CNGB3: variants seen among roughly 807,000 people sequenced by gnomAD.
CNGB3 encodes the protein cyclic nucleotide-gated channel beta-3.
A neutral mutation model predicts 92.8 loss-of-function variants in CNGB3; 86 were observed. The observed-to-expected ratio is 0.93, with a 90% confidence interval of 0.78 to 1.11. The LOEUF (loss-of-function observed/expected upper bound fraction) is 1.11, where lower values mean the gene tolerates loss of function less well. Among genes scored for constraint, CNGB3 ranks in the 50% least tolerant of loss-of-function variants. CNGB3 has a pLI of 0.00. For missense variants in CNGB3, 1,026 were observed against 956.8 expected (o/e 1.07, Z -0.95); for synonymous variants, 333 against 332.7 (o/e 1.00, Z -0.01).
rs1823757257 is a variant in CNGB3 at position 86,667,116 on chromosome 8, A to C, written c.661T>G (p.Trp221Gly). ...TAGGCAAGAGTGACAAGCAAGAGCCACAGGAGATAGAGTCGATCTGGAAAA... is the reference window on the plus strand; with the variant it reads ...TAGGCAAGAGTGACAAGCAAGAGCCCCAGGAGATAGAGTCGATCTGGAAAA... The part of the protein sequence containing the change: ...DSYTDRLYLL[W>G]LLLVTLAYNW... The change falls in exon 6 of 18, where the codon TGG becomes GGG. Residue 221 changes from tryptophan to glycine, a missense_variant. Coordinates refer to ENST00000320005, the MANE Select transcript of CNGB3 (RefSeq NM_019098.5). The C allele has an allele frequency of 4.3e-6, 7 of 1,614,100 alleles. No homozygotes were observed. In the East Asian group the frequency reaches 1.3e-4, roughly 31 times the overall value.
chr8:86,658,456 C>T (rs62528589), intron 6 of CNGB3: 6,868 of 407,050 alleles, frequency 0.017, 89 homozygotes, highest in Non-Finnish European at 0.023. Context: ...TCCTGCAACC[C>T]TTGGCAGGCC....
chr8:86,693,203 C>A (rs751234584), intron 3 of CNGB3, among the ~76,000 whole-genome samples: 10 of 152,026 alleles, frequency 6.6e-5, no homozygotes, highest in Non-Finnish European at 1.0e-4. Context: ...TGACTGTGTG[C>A]CCAAGTGTTG....
intron 6 of CNGB3, chr8:86,659,246 T>C: frequency 1.3e-6 from 1 of 762,008 alleles, no homozygotes; most frequent in South Asian, 1.4e-5. Context: ...TTTCAGTATA[T>C]TGGTCTTTCT....
intron 10 of CNGB3, 115 bp downstream of exon 10, chr8:86,643,636 A>C (rs927781269): frequency 1.8e-6 from 2 of 1,117,030 alleles, no homozygotes; most frequent in Non-Finnish European, 2.6e-6. Flanking sequence ...AATAGCATTT[A>C]CCAGCCATTG....
At chr8:86,741,334 A>T (rs1332993644) in intron 1 of CNGB3, among the ~76,000 whole-genome samples, 5 of 152,204 alleles carry the variant, frequency 3.3e-5, no homozygotes. Context: ...GTTCTTGGAA[A>T]GAACAGATGC....
intron 15 of CNGB3, among the ~76,000 whole-genome samples, chr8:86,589,835 T>A (rs1821986723): frequency 6.6e-6 from 1 of 152,002 alleles, no homozygotes; most frequent in South Asian, 2.1e-4. Flanking sequence ...GGTGGAGAGT[T>A]CTGTAGATGT....
intron 15 of CNGB3, 111 bp from the exon 16 acceptor site, chr8:86,579,363 C>T (rs2131532918): frequency 7.9e-7 from 1 of 1,272,492 alleles, no homozygotes; most frequent in Admixed American, 1.7e-5. Flanking sequence ...AGAAATCATT[C>T]CCTAGAGGTG....
At chr8:86,704,932 G>A (rs76490654) in intron 3 of CNGB3, among the ~76,000 whole-genome samples, 2,954 of 152,064 alleles carry the variant, frequency 0.019, 42 homozygotes, top group South Asian at 0.028. Flanking sequence ...AATGCTAGTA[G>A]GTCTCTTTCG....
chr8:86,704,182 G>T (rs1258766498), intron 3 of CNGB3: 1 of 152,192 alleles, frequency 6.6e-6, no homozygotes, highest in Admixed American at 6.5e-5. Flanking sequence ...CCAGAGAAGA[G>T]AAAATGTTAT....
chr8:86,657,506 T>C, intron 6 of CNGB3: 1 of 510,570 alleles, frequency 2.0e-6, no homozygotes. Context: ...CATAATCTGC[T>C]GTGCAGTGGG....
Position 86,629,084 on chromosome 8 carries a change from A to G in CNGB3, c.1321-6T>C, listed in dbSNP as rs751146094. The G allele has an allele frequency of 6.2e-7, 1 of 1,613,958 alleles. No individual in the cohort carries two copies. The highest frequency in any genetic ancestry group is 8.5e-7 in the Non-Finnish European group (1 of 1,179,900). On this transcript the variant is annotated splice_polypyrimidine_tract_variant and splice_region_variant and intron_variant, in intron 11 of 17. Coordinates refer to ENST00000320005, the MANE Select transcript of CNGB3 (RefSeq NM_019098.5). Reference sequence around the variant, plus strand: ...GCTCCAATCACATCTCTCATCTAAAACCACAAATATGGTCACTCCACGCCC... The same window carrying G: ...GCTCCAATCACATCTCTCATCTAAAGCCACAAATATGGTCACTCCACGCCC...
At chr8:86,739,859 G>A in intron 1 of CNGB3, 123 bp from the exon 2 acceptor site, 1 of 1,153,002 alleles carries the variant, frequency 8.7e-7, no homozygotes, top group East Asian at 2.5e-5. Flanking sequence ...TGTTTATGAT[G>A]TACTAAAAAT....
intron 3 of CNGB3, among the ~76,000 whole-genome samples, chr8:86,697,585 G>C (rs1043468765): frequency 3.9e-5 from 6 of 152,040 alleles, no homozygotes; most frequent in Admixed American, 3.9e-4. Flanking sequence ...ATATTAATTG[G>C]ACTTTAAAAA....
chr8:86,576,937 CA>C (rs1821672633), intron 17 of CNGB3, among the ~76,000 whole-genome samples: 1 of 152,148 alleles, frequency 6.6e-6, no homozygotes, highest in Admixed American at 6.5e-5. Context: ...TGCAAGTTTT[CA>C]TCTTTTGTAT....
intron 2 of CNGB3, among the ~76,000 whole-genome samples, chr8:86,734,564 T>C (rs554404844): frequency 1.3e-5 from 2 of 152,332 alleles, no homozygotes; most frequent in East Asian, 1.9e-4. Flanking sequence ...GGTCACAGAA[T>C]GGTCTTGTGG....
intron 3 of CNGB3, among the ~76,000 whole-genome samples, chr8:86,680,328 C>T (rs959865860): frequency 3.9e-5 from 6 of 152,182 alleles, no homozygotes; most frequent in Admixed American, 3.9e-4. Flanking sequence ...TCATTTAATG[C>T]TCACAGTTGT....
At chr8:86,728,565 A>G (rs1825103760) in intron 2 of CNGB3, among the ~76,000 whole-genome samples, 1 of 152,146 alleles carries the variant, frequency 6.6e-6, no homozygotes, top group African/African-American at 2.4e-5. Context: ...CCTTTTTTGT[A>G]TCCACAAACA....
At chr8:86,624,384 A>G (rs1031854910) in intron 13 of CNGB3, among the ~76,000 whole-genome samples, 1 of 152,096 alleles carries the variant, frequency 6.6e-6, no homozygotes, top group African/African-American at 2.4e-5. Flanking sequence ...GTGTCACTGT[A>G]CTCCAGCCTG....
intron 4 of CNGB3, among the ~76,000 whole-genome samples, chr8:86,668,560 C>T (rs1823794498): frequency 2.0e-5 from 3 of 151,788 alleles, no homozygotes; most frequent in Admixed American, 2.0e-4. Flanking sequence ...ACAGATGAAA[C>T]AAAACCTTCA....
Sources: allele counts gnomAD v4.1 joint callset (sites outside exome capture counted in the v4.1 genomes callset), GRCh38; gene constraint gnomAD v4.1.1; transcripts MANE v1.5; gene names NCBI Gene and HGNC (gene_info 2026-07-23, HGNC 2026-07-21).